Variants in LINGO2 observed in about 807,000 individuals in gnomAD.
LINGO2 encodes the protein leucine-rich repeat and immunoglobulin-like domain-containing nogo receptor-interacting protein 2.
LINGO2 carries 14 observed loss-of-function variants against 30.6 expected under a neutral mutation model. The observed-to-expected ratio is 0.46, with a 90% CI of 0.30 to 0.72. LINGO2 has a LOEUF of 0.72. Ranked by LOEUF, LINGO2 falls within the 30% of genes least tolerant of loss-of-function variation. The pLI, the probability that LINGO2 is intolerant of heterozygous loss-of-function variation, is 0.07. For synonymous variants in LINGO2, 317 were observed against 288.5 expected, an observed-to-expected ratio of 1.10 and a Z score of -1.00; for missense variants, 729 against 751.7, an observed-to-expected ratio of 0.97 and a Z score of 0.35.
intron 1 of LINGO2, among the ~76,000 whole-genome samples, chr9:28,646,493 GA>G (rs1337966171): frequency 6.6e-6 from 1 of 152,052 alleles, no homozygotes; most frequent in Admixed American, 6.6e-5. Context: ...GAAAGTGAAA[GA>G]AACCATTAAG....
chr9:28,630,228 A>C (rs1826873371), intron 1 of LINGO2, among the ~76,000 whole-genome samples: 1 of 152,104 alleles, frequency 6.6e-6, no homozygotes, highest in African/African-American at 2.4e-5. Flanking sequence ...ATAAATACAA[A>C]AAAATCAAAA....
At chr9:28,375,089 A>AACACAC (rs137914726) in intron 2 of LINGO2, among the ~76,000 whole-genome samples, 1,954 of 141,740 alleles carry the variant, frequency 0.014, 24 homozygotes, top group East Asian at 0.03. Context: ...CACACCCCTT[A>AACACAC]ACACACACAC....
chr9:29,034,586 G>T, the LINGO2 span, among the ~76,000 whole-genome samples: 2 of 152,090 alleles, frequency 1.3e-5, no homozygotes, highest in South Asian at 4.2e-4. Flanking sequence ...AAAATAAATA[G>T]CCCTATGACT....
the LINGO2 span, among the ~76,000 whole-genome samples, chr9:29,002,643 T>G: frequency 1.3e-5 from 2 of 151,736 alleles, no homozygotes; most frequent in African/African-American, 4.8e-5. Flanking sequence ...AGAGTGGGAG[T>G]CTCTCTTCCT....
intron 1 of LINGO2, among the ~76,000 whole-genome samples, chr9:28,619,950 G>A (rs1826315686): frequency 6.6e-6 from 1 of 151,618 alleles, no homozygotes; most frequent in Non-Finnish European, 1.5e-5. Context: ...AGAATCTTGA[G>A]AAATTTGTAC....
the LINGO2 span, among the ~76,000 whole-genome samples, chr9:29,074,893 G>A: frequency 4.0e-5 from 6 of 151,442 alleles, no homozygotes; most frequent in Non-Finnish European, 8.8e-5. Context: ...AGCCAGGATG[G>A]TCTCAATCTC....
chr9:29,080,920 T>G, the LINGO2 span, among the ~76,000 whole-genome samples: 1 of 152,112 alleles, frequency 6.6e-6, no homozygotes, highest in Non-Finnish European at 1.5e-5. Context: ...AGACTGTATA[T>G]ACTGTTGATT....
chr9:28,764,381 T>C, the LINGO2 span, among the ~76,000 whole-genome samples: 1 of 151,960 alleles, frequency 6.6e-6, no homozygotes, highest in Non-Finnish European at 1.5e-5. Context: ...TATACCACAT[T>C]ATCAGTACAA....
the LINGO2 span, among the ~76,000 whole-genome samples, chr9:28,706,468 A>G: frequency 6.6e-6 from 1 of 152,162 alleles, no homozygotes; most frequent in Non-Finnish European, 1.5e-5. Context: ...TCTATTAAAG[A>G]TTAGTTTTTC....
At chr9:28,684,455 C>T in the LINGO2 span, among the ~76,000 whole-genome samples, 92 of 150,206 alleles carry the variant, frequency 6.1e-4, 1 homozygote, top group South Asian at 9.9e-3. Flanking sequence ...TCCCAAAGTG[C>T]TGGGATTACA....
the LINGO2 span, among the ~76,000 whole-genome samples, chr9:28,824,823 G>A: frequency 1.3e-5 from 2 of 152,156 alleles, no homozygotes; most frequent in Non-Finnish European, 2.9e-5. Flanking sequence ...ATGAGTTGAA[G>A]AAAGGATCTA....
chr9:27,977,667 G>A (rs1265378846), intron 5 of LINGO2, among the ~76,000 whole-genome samples: 1 of 151,664 alleles, frequency 6.6e-6, no homozygotes, highest in African/African-American at 2.4e-5. Flanking sequence ...TTTTACTACT[G>A]TGTTAGTGAA....
At chr9:29,183,431 T>C in the LINGO2 span, among the ~76,000 whole-genome samples, 25,659 of 152,080 alleles carry the variant, frequency 0.17, 2,298 homozygotes, top group East Asian at 0.38. Flanking sequence ...CATCATTTGA[T>C]AGTGTCCACA....
chr9:29,115,816 A>T, the LINGO2 span, among the ~76,000 whole-genome samples: 1 of 152,064 alleles, frequency 6.6e-6, no homozygotes, highest in African/African-American at 2.4e-5. Context: ...TTCAGAACAC[A>T]GCTGCTTTTC....
At chr9:28,215,786 A>T (rs1015995671) in intron 4 of LINGO2, among the ~76,000 whole-genome samples, 1 of 151,830 alleles carries the variant, frequency 6.6e-6, no homozygotes, top group Non-Finnish European at 1.5e-5. Flanking sequence ...ATTGATTTCA[A>T]TTATGATATC....
chr9:28,273,825 T>G (rs1823025661), intron 4 of LINGO2, among the ~76,000 whole-genome samples: 1 of 152,150 alleles, frequency 6.6e-6, no homozygotes, highest in African/African-American at 2.4e-5. Context: ...GAAGAAAACC[T>G]TGTAATCTTC....
the LINGO2 span, among the ~76,000 whole-genome samples, chr9:28,933,775 T>C: frequency 6.6e-6 from 1 of 152,194 alleles, no homozygotes; most frequent in South Asian, 2.1e-4. Flanking sequence ...CAATTGCTTG[T>C]CCAGCTTTGG....
At chr9:29,015,203 A>C in the LINGO2 span, among the ~76,000 whole-genome samples, 1 of 152,154 alleles carries the variant, frequency 6.6e-6, no homozygotes, top group Non-Finnish European at 1.5e-5. Context: ...GGTACAATGT[A>C]TGCTACTTGG....
the LINGO2 span, among the ~76,000 whole-genome samples, chr9:28,995,529 C>A: frequency 2.0e-5 from 3 of 151,864 alleles, no homozygotes; most frequent in Admixed American, 6.6e-5. Context: ...GGTATATACC[C>A]AAAGGACTAT....
Sources: allele counts gnomAD v4.1 joint callset (sites outside exome capture counted in the v4.1 genomes callset), GRCh38; gene constraint gnomAD v4.1.1; transcripts MANE v1.5; gene names NCBI Gene and HGNC (gene_info 2026-07-23, HGNC 2026-07-21).